RFX8: variants seen among roughly 807,000 people sequenced by gnomAD.
RFX8 encodes the protein DNA-binding protein RFX8.
RFX8 carries 46 observed loss-of-function variants against 54.6 expected under a neutral mutation model. The ratio of observed to expected loss-of-function variants is 0.84; its 90% CI spans 0.67 to 1.08. The LOEUF is 1.08. Among genes scored for constraint, RFX8 ranks in the 50% least tolerant of loss-of-function variants. The probability of loss-of-function intolerance (pLI) is 0.00; values close to 1 mark genes in which losing one functional copy is unlikely to be tolerated. For missense variants in RFX8, 536 were observed against 562.3 expected (o/e 0.95, Z 0.47); for synonymous variants, 192 against 209.5 (o/e 0.92, Z 0.72).
intron 10 of RFX8, among the ~76,000 whole-genome samples, chr2:101,404,044 A>G (rs555650705): frequency 2.2e-4 from 34 of 152,372 alleles, no homozygotes; most frequent in Non-Finnish European, 3.2e-4. Flanking sequence ...GGTCATCTGC[A>G]TTATCAGTTT....
chr2:101,454,855 C>T (rs1298280404), intron 2 of RFX8, among the ~76,000 whole-genome samples: 1 of 152,066 alleles, frequency 6.6e-6, no homozygotes, highest in East Asian at 1.9e-4. Context: ...ATTGCTTGTT[C>T]ACTCTGATGA....
rs149211252 is a variant in RFX8 at position 101,423,115 on chromosome 2, G to A, written c.73-643C>T. On this transcript the variant is annotated intron_variant, in intron 2 of 11. Transcript: ENST00000428343. ...TCTACTAAAAATACAAAAATTAGCCGGGTGTGGTGGCAGACACCTGTAATC... is the reference window on the plus strand; with the variant it reads ...TCTACTAAAAATACAAAAATTAGCCAGGTGTGGTGGCAGACACCTGTAATC... Among the ~76,000 whole-genome samples, 1,018 of 152,106 alleles carry A rather than the reference G, an allele frequency of 6.7e-3. 10 individuals are homozygous for A. Among genetic ancestry groups the A allele is most frequent in the African/African-American group, 0.021 (865 of 41,508 alleles).
At chr2:101,464,934 G>T (rs1278576134) in intron 2 of RFX8, among the ~76,000 whole-genome samples, 1 of 152,172 alleles carries the variant, frequency 6.6e-6, no homozygotes, top group Non-Finnish European at 1.5e-5. Flanking sequence ...CCTCTGATAA[G>T]GGTGGTAGAT....
At chr2:101,428,817 C>A in intron 2 of RFX8, 1 of 624,082 alleles carries the variant, frequency 1.6e-6, no homozygotes, top group Non-Finnish European at 2.9e-6. Context: ...ACTGAACATT[C>A]ATGGTCAGAT....
chr2:101,424,164 G>A (rs1485891424), intron 2 of RFX8, among the ~76,000 whole-genome samples: 1 of 152,196 alleles, frequency 6.6e-6, no homozygotes, highest in African/African-American at 2.4e-5. Context: ...ATTGGGTGCT[G>A]TCTAAACCTC....
intron 2 of RFX8, among the ~76,000 whole-genome samples, chr2:101,459,828 C>A (rs183867859): frequency 3.3e-5 from 5 of 152,346 alleles, no homozygotes; most frequent in East Asian, 3.9e-4. Flanking sequence ...TTCAGCTATG[C>A]CCTGCCCACA....
chr2:101,406,800 A>C (rs1351501895), intron 9 of RFX8, among the ~76,000 whole-genome samples: 1 of 152,176 alleles, frequency 6.6e-6, no homozygotes, highest in Non-Finnish European at 1.5e-5. Context: ...GAAAAGGGGC[A>C]CAGAATCCCA....
intron 2 of RFX8, among the ~76,000 whole-genome samples, chr2:101,428,719 A>G (rs914348136): frequency 1.3e-5 from 2 of 152,226 alleles, no homozygotes; most frequent in African/African-American, 4.8e-5. Flanking sequence ...GAAGAAACAC[A>G]GTTAAGCAGG....
intron 1 of RFX8, among the ~76,000 whole-genome samples, chr2:101,469,183 G>C (rs941997192): frequency 9.6e-5 from 14 of 146,292 alleles, no homozygotes; most frequent in African/African-American, 3.6e-4. Context: ...TACATGGAGA[G>C]AGAGAGAGAG....
At chr2:101,472,950 C>T (rs146976390) in intron 1 of RFX8, among the ~76,000 whole-genome samples, 260 of 151,818 alleles carry the variant, frequency 1.7e-3, no homozygotes, top group African/African-American at 5.9e-3. Context: ...ACTCAGGAGG[C>T]GGAGGTCACA....
rs780766005 is a variant in RFX8, at chr2:101,452,417, G to A, written c.72+14360C>T. Reference sequence around the variant, plus strand: ...TTCCTCTAGTGCCCAGCCTCCGGGTGCCAAGGTCCGGAAAAACCAATCTCA... The same window carrying A: ...TTCCTCTAGTGCCCAGCCTCCGGGTACCAAGGTCCGGAAAAACCAATCTCA... On this transcript the variant is annotated intron_variant, in intron 2 of 11. Coordinates refer to ENST00000428343, the MANE Select transcript of RFX8 (RefSeq NM_001145664.2). The A allele has an allele frequency of 9.5e-6, 13 of 1,373,748 alleles. No individual in the cohort carries two copies. The South Asian group carries it at 1.7e-4, about 18-fold the overall frequency. The allele number at this position is 1,373,748 out of a possible 1,614,324, so 85.1% of individuals were successfully genotyped here.
intron 8 of RFX8, among the ~76,000 whole-genome samples, 186 bp from the exon 9 acceptor site, chr2:101,410,899 T>C (rs1267907325): frequency 6.6e-6 from 1 of 152,224 alleles, no homozygotes; most frequent in Non-Finnish European, 1.5e-5. Context: ...TCTGCGGTCA[T>C]CTATTCAGAA....
At chr2:101,409,183 G>T (rs190958826) in intron 9 of RFX8, among the ~76,000 whole-genome samples, 1 of 152,188 alleles carries the variant, frequency 6.6e-6, no homozygotes, top group East Asian at 1.9e-4. Flanking sequence ...CAAGAGGTGG[G>T]GCCCGGGCTG....
chr2:101,438,124 G>A lies in RFX8; in HGVS notation c.73-15652C>T, dbSNP rs544679588. Among the ~76,000 whole-genome samples, 6 of 152,220 alleles carry A rather than the reference G, an allele frequency of 3.9e-5. No individual in the cohort carries two copies. In the South Asian group the frequency reaches 1.2e-3, roughly 32 times the overall value. On this transcript the variant is annotated intron_variant, in intron 2 of 11. Coordinates refer to ENST00000428343, the MANE Select transcript of RFX8 (RefSeq NM_001145664.2). ...TAAGATATTTTGATATAGGCAATGT[G>A]TAATAATCACATTGGGATAAATGGG...
At chr2:101,432,993 A>C (rs1294873131) in intron 2 of RFX8, among the ~76,000 whole-genome samples, 1 of 151,898 alleles carries the variant, frequency 6.6e-6, no homozygotes, top group Non-Finnish European at 1.5e-5. Flanking sequence ...CTTACCTAGG[A>C]TGTTAGGATT....
rs1340552268 is a variant in RFX8 at position 101,443,195 on chromosome 2, G to A, written c.73-20723C>T. Among the ~76,000 whole-genome samples the A allele has an allele frequency of 2.0e-5, 3 of 152,150 alleles. No homozygotes were observed. In the East Asian group the frequency reaches 5.8e-4, roughly 29 times the overall value. On this transcript the variant is annotated intron_variant, in intron 2 of 11. Transcript: ENST00000428343. ...ATGCAAGATGCTCTGCTGCGGTGCT[G>A]ATTGTACAGTCCTGGGTCCCAAACC... is the stretch of plus-strand genomic sequence containing the variant.
chr2:101,402,543 G>T lies in RFX8; in HGVS notation c.1138C>A (p.Leu380Met), dbSNP rs1685496199. 1 of 1,551,710 alleles carries T rather than the reference G, an allele frequency of 6.4e-7. No individual in the cohort carries two copies. The highest frequency in any genetic ancestry group is 2.4e-5 in the East Asian group (1 of 40,922). ...QACASPSMEPLGVMPTHMGQG... is the reference protein window; with the variant it reads ...QACASPSMEPMGVMPTHMGQG... ...CCCATGTGTGTGGGCATCACCCCCA[G>T]TGGCTCCATGCTGGGGCTGGCACAC... The change falls in exon 11 of 12, where the codon CTG becomes ATG. Residue 380 changes from leucine (L) to methionine (M), a missense_variant. Leu to Met is a conservative substitution (Grantham distance 15, BLOSUM62 2). Coordinates refer to ENST00000428343, the MANE Select transcript of RFX8 (RefSeq NM_001145664.2).
At chr2:101,433,448 T>C (rs1687604146) in intron 2 of RFX8, among the ~76,000 whole-genome samples, 1 of 152,204 alleles carries the variant, frequency 6.6e-6, no homozygotes, top group South Asian at 2.1e-4. Context: ...TCAATTTGTC[T>C]AAAAAAAGTC....
At chr2:101,432,630 GC>G (rs1284133446) in intron 2 of RFX8, among the ~76,000 whole-genome samples, 3 of 152,150 alleles carry the variant, frequency 2.0e-5, no homozygotes, top group Non-Finnish European at 2.9e-5. Context: ...TGGGCTCACT[GC>G]CCCCTGCGTC....
Sources: gnomAD v4.1 joint callset for allele counts (sites outside exome capture counted in the v4.1 genomes callset) on GRCh38, gnomAD v4.1.1 for gene constraint, MANE v1.5 for transcripts, NCBI Gene and HGNC (gene_info 2026-07-23, HGNC 2026-07-21) for gene names.